The following RGS6 variants were observed in gnomAD, a reference collection of about 807,000 sequenced individuals.
The protein encoded by RGS6 is regulator of G-protein signaling 6.
RGS6 carries 30 observed loss-of-function variants against 78.5 expected under a neutral mutation model. The ratio of observed to expected loss-of-function variants is 0.38; its 90% CI spans 0.29 to 0.52. RGS6 has a LOEUF of 0.52. Among genes scored for constraint, RGS6 ranks in the 20% least tolerant of loss-of-function variants. RGS6 has a pLI of 0.85. For missense variants in RGS6, 495 were observed against 609.7 expected, an observed-to-expected ratio of 0.81 and a Z score of 1.98; for synonymous variants, 206 against 206.0, an observed-to-expected ratio of 1.00 and a Z score of 0.00.
chr14:71,936,372 C>T (rs754442280), intron 1 of RGS6, among the ~76,000 whole-genome samples: 3 of 152,000 alleles, frequency 2.0e-5, no homozygotes, highest in Admixed American at 6.6e-5. Flanking sequence ...AGGTTGTGCC[C>T]ACCAGATTAA....
intron 2 of RGS6, among the ~76,000 whole-genome samples, chr14:72,064,633 G>A (rs922093347): frequency 6.6e-6 from 1 of 152,200 alleles, no homozygotes; most frequent in African/African-American, 2.4e-5. Flanking sequence ...GCAGTTTAAC[G>A]AGCAGGCTAG....
intron 2 of RGS6, among the ~76,000 whole-genome samples, chr14:72,340,484 T>C (rs1283844884): frequency 1.3e-5 from 2 of 152,146 alleles, no homozygotes; most frequent in East Asian, 3.9e-4. Flanking sequence ...GGAAGGGTAG[T>C]GGTCATCGTG....
intron 2 of RGS6, among the ~76,000 whole-genome samples, chr14:72,201,128 G>A (rs1445406107): frequency 6.6e-6 from 1 of 152,170 alleles, no homozygotes; most frequent in Non-Finnish European, 1.5e-5. Context: ...AGCCCGCGTT[G>A]GAAAGCAATA....
intron 17 of RGS6, among the ~76,000 whole-genome samples, chr14:72,557,720 C>T (rs1159040577): frequency 6.6e-6 from 1 of 152,210 alleles, no homozygotes; most frequent in South Asian, 2.1e-4. Context: ...CTGTATTCAA[C>T]GAAACACGAT....
At chr14:71,874,935 T>C in the RGS6 span, among the ~76,000 whole-genome samples, 16 of 152,372 alleles carry the variant, frequency 1.1e-4, no homozygotes, top group South Asian at 3.3e-3. Flanking sequence ...GTTTATCTGA[T>C]GGATTACGTT....
chr14:72,548,316 C>G (rs2097438563), intron 17 of RGS6, among the ~76,000 whole-genome samples: 1 of 147,914 alleles, frequency 6.8e-6, no homozygotes, highest in Admixed American at 6.8e-5. Flanking sequence ...TAGCATTTTA[C>G]CAGATCATAT....
At chr14:72,628,160 T>C in the RGS6 span, among the ~76,000 whole-genome samples, 5 of 152,264 alleles carry the variant, frequency 3.3e-5, no homozygotes, top group East Asian at 9.6e-4. Flanking sequence ...ATCATAGTTA[T>C]AGAGATAGTG....
intron 3 of RGS6, among the ~76,000 whole-genome samples, chr14:72,360,128 C>T (rs1412585447): frequency 6.6e-6 from 1 of 151,982 alleles, no homozygotes; most frequent in African/African-American, 2.4e-5. Context: ...GGGAAAACTT[C>T]AAGGAGTTAT....
At chr14:72,350,533 C>T (rs941423238) in intron 2 of RGS6, among the ~76,000 whole-genome samples, 2 of 152,146 alleles carry the variant, frequency 1.3e-5, no homozygotes, top group African/African-American at 4.8e-5. Context: ...TGTGAGCAAA[C>T]ATGCTCTATG....
At chr14:72,096,501 G>A (rs1250208357) in intron 2 of RGS6, among the ~76,000 whole-genome samples, 1 of 152,096 alleles carries the variant, frequency 6.6e-6, no homozygotes. Context: ...ACTCTTCTTT[G>A]ATTTCATATT....
chr14:72,053,085 CT>C (rs2093420766), intron 2 of RGS6, among the ~76,000 whole-genome samples: 3 of 29,074 alleles, frequency 1.0e-4, no homozygotes, highest in Non-Finnish European at 2.2e-4. Flanking sequence ...CCCTCCCTTC[CT>C]TCCTTCCTTC....
chr14:71,945,553 G>A (rs2091380267), intron 1 of RGS6, among the ~76,000 whole-genome samples: 1 of 152,162 alleles, frequency 6.6e-6, no homozygotes, highest in African/African-American at 2.4e-5. Context: ...CAGATAGAAA[G>A]TTTTTACTCC....
chr14:72,023,321 G>T (rs1264687544), intron 2 of RGS6, among the ~76,000 whole-genome samples: 1 of 152,114 alleles, frequency 6.6e-6, no homozygotes, highest in Non-Finnish European at 1.5e-5. Context: ...TTCTTTAATA[G>T]CTGTGACTCA....
intron 2 of RGS6, among the ~76,000 whole-genome samples, chr14:72,112,952 C>A (rs1015756678): frequency 6.6e-6 from 1 of 152,210 alleles, no homozygotes; most frequent in Non-Finnish European, 1.5e-5. Flanking sequence ...GAATCAAATG[C>A]AGAAAACAGT....
intron 2 of RGS6, among the ~76,000 whole-genome samples, chr14:72,019,383 A>G (rs181720391): frequency 6.6e-6 from 1 of 152,344 alleles, no homozygotes. Context: ...AATAATGATC[A>G]TGCTTGTCTG....
chr14:72,612,444 A>C, the RGS6 span: 6 of 499,046 alleles, frequency 1.2e-5, no homozygotes, highest in Non-Finnish European at 2.4e-5. Flanking sequence ...TTTTTTTTCT[A>C]GTACCTAATT....
the RGS6 span, among the ~76,000 whole-genome samples, chr14:71,909,842 C>A: frequency 6.6e-6 from 1 of 152,022 alleles, no homozygotes; most frequent in Non-Finnish European, 1.5e-5. Flanking sequence ...GAATATGTCA[C>A]CCCAAAATGA....
chr14:71,960,008 C>T (rs1432835816), intron 1 of RGS6, among the ~76,000 whole-genome samples: 2 of 152,172 alleles, frequency 1.3e-5, no homozygotes, highest in African/African-American at 2.4e-5. Context: ...CCTATACCAT[C>T]GAGGCCCTTC....
the RGS6 span, among the ~76,000 whole-genome samples, chr14:71,876,473 CTTTTTTTT>C: frequency 1.1e-3 from 83 of 72,352 alleles, no homozygotes; most frequent in Admixed American, 2.1e-3. Context: ...GCAACCGCTG[CTTTTTTTT>C]TTTTTTTTTT....
Sources: gnomAD v4.1 joint callset for allele counts (sites outside exome capture counted in the v4.1 genomes callset) on GRCh38, gnomAD v4.1.1 for gene constraint, MANE v1.5 for transcripts, NCBI Gene and HGNC (gene_info 2026-07-23, HGNC 2026-07-21) for gene names.